Variants in KCNT1 observed in about 807,000 individuals in gnomAD.
KCNT1 encodes the protein potassium channel subfamily T member 1.
A neutral mutation model predicts 147.8 loss-of-function variants in KCNT1; 78 were observed. The observed-to-expected ratio is 0.53, with a 90% CI of 0.44 to 0.64. The LOEUF is 0.64. KCNT1 is among the 30% of genes least tolerant of loss of function. The probability of loss-of-function intolerance (pLI) is 0.00; values close to 1 mark genes in which losing one functional copy is unlikely to be tolerated. For missense variants in KCNT1, 1,419 were observed against 1,750.3 expected (o/e 0.81, Z 3.38); for synonymous variants, 867 against 748.8 (o/e 1.16, Z -2.58).
Position 135,792,458 on chromosome 9 carries a change from A to C in KCNT1, c.*297A>C. 1 of 297,102 alleles carries C rather than the reference A, an allele frequency of 3.4e-6. No homozygotes were observed. The highest frequency in any genetic ancestry group is 6.5e-6 in the Non-Finnish European group (1 of 153,854). The allele number at this position is 297,102 out of a possible 1,614,324, so 18.4% of individuals were successfully genotyped here. A position where few individuals can be genotyped will look rare whatever the true frequency, so the allele number is the denominator to read the frequency against. ...GTGACCAGGGCTGGCTGGGAGGGCAACGCAGGGACTGGACGCCCTACAGGG... is the reference window on the plus strand; with the variant it reads ...GTGACCAGGGCTGGCTGGGAGGGCACCGCAGGGACTGGACGCCCTACAGGG... On this transcript the variant is annotated 3_prime_UTR_variant, in exon 31 of 31. Coordinates refer to ENST00000371757, the MANE Select transcript of KCNT1 (RefSeq NM_020822.3).
chr9:135,725,672 G>A lies in KCNT1; in HGVS notation c.254+10952G>A, dbSNP rs1275735901. ...AGGGTGCAGGGGTCACTCTGGGACA[G>A]CACCAAAGCCGGGGGGGCCCCAGGG... is the stretch of plus-strand genomic sequence containing the variant. On this transcript the variant is annotated intron_variant, in intron 2 of 30. Transcript: ENST00000371757. Among the ~76,000 whole-genome samples, 4 of 151,928 alleles carry A rather than the reference G, an allele frequency of 2.6e-5. No homozygotes were observed. In the East Asian group the frequency reaches 7.8e-4, roughly 30 times the overall value.
intron 1 of KCNT1, among the ~76,000 whole-genome samples, chr9:135,705,675 T>C (rs893643624): frequency 2.6e-5 from 4 of 152,210 alleles, no homozygotes; most frequent in Admixed American, 1.3e-4. Context: ...GCCACCCATG[T>C]TCACCCAGAC....
chr9:135,732,162 G>A (rs917108386), intron 2 of KCNT1, among the ~76,000 whole-genome samples: 1 of 151,334 alleles, frequency 6.6e-6, no homozygotes, highest in Non-Finnish European at 1.5e-5. Flanking sequence ...GGGATTACAG[G>A]TGCCCACCAC....
chr9:135,751,073 C>G, intron 4 of KCNT1, 32 bp downstream of exon 4: 1 of 1,586,416 alleles, frequency 6.3e-7, no homozygotes, highest in Non-Finnish European at 8.6e-7. Flanking sequence ...GCGCGGGGTC[C>G]CGGGTCCCAG....
At chr9:135,703,768 A>G (rs1430004996) in intron 1 of KCNT1, among the ~76,000 whole-genome samples, 1 of 152,204 alleles carries the variant, frequency 6.6e-6, no homozygotes, top group East Asian at 1.9e-4. Flanking sequence ...GACCTGCTCC[A>G]GACGAGCCGG....
In KCNT1 at chr9:135,770,115, C is replaced by T. The variant is rs553339673; in HGVS notation, c.1619+60C>T. On this transcript the variant is annotated intron_variant, in intron 16 of 30. Transcript: ENST00000371757. ...TGGCGGGGCCGGCGCAGGGAGACAA[C>T]GCAGGGCCTGCTTGGGGGCGGGGAT... 2,377 of 1,465,446 alleles carry T rather than the reference C, an allele frequency of 1.6e-3. 4 individuals carry two copies. The highest frequency in any genetic ancestry group is 2.1e-3 in the Non-Finnish European group (2,250 of 1,078,800). The allele number at this position is 1,465,446 out of a possible 1,614,324, so 90.8% of individuals were successfully genotyped here.
At chr9:135,780,448 C>T (rs1326481255) in intron 24 of KCNT1, among the ~76,000 whole-genome samples, 1 of 152,208 alleles carries the variant, frequency 6.6e-6, no homozygotes, top group Non-Finnish European at 1.5e-5. Context: ...GGCTTTGTCC[C>T]ACCTGAACCC....
chr9:135,770,248 G>T, intron 16 of KCNT1, 50 bp from the exon 17 acceptor site: 1 of 1,549,130 alleles, frequency 6.5e-7, no homozygotes, highest in Non-Finnish European at 8.7e-7. Flanking sequence ...GGGGAGAAGG[G>T]GCAGCCATGG....
intron 12 of KCNT1, 80 bp from the exon 13 acceptor site, chr9:135,765,544 C>T: frequency 6.8e-7 from 1 of 1,475,246 alleles, no homozygotes; most frequent in Admixed American, 1.9e-5. Flanking sequence ...GTGGTGGGCA[C>T]AAACACAGTC....
At chr9:135,738,108 T>C (rs1158743163) in intron 2 of KCNT1, among the ~76,000 whole-genome samples, 16 of 152,190 alleles carry the variant, frequency 1.1e-4, no homozygotes, top group Non-Finnish European at 4.4e-5. Context: ...TAGCAGGTTC[T>C]GCCCAGGCTG....
At chr9:135,747,706 C>G (rs763494397) in intron 2 of KCNT1, among the ~76,000 whole-genome samples, 17 of 152,108 alleles carry the variant, frequency 1.1e-4, no homozygotes, top group Non-Finnish European at 2.2e-4. Flanking sequence ...TGAGGGGTTG[C>G]AGGGCATGAT....
chr9:135,761,650 G>A (rs1009392044), intron 11 of KCNT1, among the ~76,000 whole-genome samples: 5 of 152,318 alleles, frequency 3.3e-5, no homozygotes, highest in South Asian at 2.1e-4. Flanking sequence ...GGTCCGCCCC[G>A]GCCCACACTT....
At chr9:135,791,168 T>G (rs1834484262) in intron 29 of KCNT1, 2 of 152,662 alleles carry the variant, frequency 1.3e-5, no homozygotes, top group Non-Finnish European at 2.9e-5. Context: ...GGGAATGGCC[T>G]GTCCAGGCCC....
At chr9:135,734,058 G>T (rs148647339) in intron 2 of KCNT1, among the ~76,000 whole-genome samples, 21 of 152,200 alleles carry the variant, frequency 1.4e-4, no homozygotes, top group Admixed American at 5.2e-4. Context: ...CACTCAGCTC[G>T]CGGTAGGCAA....
intron 24 of KCNT1, among the ~76,000 whole-genome samples, chr9:135,783,341 A>G (rs10123305): frequency 0.042 from 6,349 of 152,270 alleles, 374 homozygotes; most frequent in African/African-American, 0.14. Context: ...AGGGAGCCAC[A>G]AGCCAAGGCA....
At chr9:135,715,225 C>T (rs1463524383) in intron 2 of KCNT1, among the ~76,000 whole-genome samples, 2 of 152,246 alleles carry the variant, frequency 1.3e-5, no homozygotes, top group Non-Finnish European at 2.9e-5. Flanking sequence ...CTCAACATCT[C>T]CTGGGCTAAA....
At chr9:135,741,940 G>T (rs1024624337) in intron 2 of KCNT1, among the ~76,000 whole-genome samples, 4 of 142,644 alleles carry the variant, frequency 2.8e-5, no homozygotes, top group Admixed American at 2.8e-4. Flanking sequence ...CCCAGCCCCC[G>T]ACCAGGCCGG....
At position 135,702,298 on chromosome 9, in the gene KCNT1, T is replaced by G; in HGVS notation, c.40T>G (p.Cys14Gly). Reference protein sequence around the residue: ...PDGARTPGGVCREARGGGYTN... With the variant: ...PDGARTPGGVGREARGGGYTN... ...CGGGGCGCGGACCCCGGGGGGCGTCTGCCGGGAGGCGCGCGGCGGGGGCTA... is the reference window on the plus strand; with the variant it reads ...CGGGGCGCGGACCCCGGGGGGCGTCGGCCGGGAGGCGCGCGGCGGGGGCTA... The change falls in exon 1 of 31, where the codon TGC becomes GGC. Residue 14 changes from cysteine to glycine, a missense_variant. Transcript: ENST00000371757. 6.2e-7 allele frequency: 1 copy of G among 1,609,246 alleles called. No homozygotes were observed. The highest frequency in any genetic ancestry group is 8.5e-7 in the Non-Finnish European group (1 of 1,178,154).
intron 23 of KCNT1, among the ~76,000 whole-genome samples, chr9:135,779,103 C>T (rs1377685238): frequency 1.3e-5 from 2 of 149,222 alleles, no homozygotes; most frequent in Non-Finnish European, 3.0e-5. Context: ...CCCAGAGACC[C>T]CCACAGCCAC....
Sources: gnomAD v4.1 joint callset for allele counts (sites outside exome capture counted in the v4.1 genomes callset) on GRCh38, gnomAD v4.1.1 for gene constraint, MANE v1.5 for transcripts, NCBI Gene and HGNC (gene_info 2026-07-23, HGNC 2026-07-21) for gene names.